HPSE2: variants seen among roughly 807,000 people sequenced by gnomAD.
HPSE2 encodes the protein heparanase 2 (inactive).
In HPSE2, 38 loss-of-function variants were observed where a neutral mutation model predicts 60.5. That is an observed-to-expected ratio of 0.63 (90% CI 0.48 to 0.82). The LOEUF (loss-of-function observed/expected upper bound fraction) is 0.82, where lower values mean the gene tolerates loss of function less well. HPSE2 is among the 40% of genes least tolerant of loss of function. The pLI, the probability that HPSE2 is intolerant of heterozygous loss-of-function variation, is 0.00. For missense variants in HPSE2, 713 were observed against 740.4 expected (o/e 0.96, Z 0.43); for synonymous variants, 295 against 293.2 (o/e 1.01, Z -0.06).
chr10:99,018,960 T>A (rs544939882), intron 3 of HPSE2, among the ~76,000 whole-genome samples: 1 of 152,310 alleles, frequency 6.6e-6, no homozygotes, highest in South Asian at 2.1e-4. Flanking sequence ...TCCATTAGTA[T>A]CAAAACTAGG....
chr10:99,082,276 G>A (rs758977997), intron 3 of HPSE2, among the ~76,000 whole-genome samples: 12 of 152,188 alleles, frequency 7.9e-5, no homozygotes, highest in Non-Finnish European at 1.8e-4. Flanking sequence ...CTAGAAAGTT[G>A]AAGCACTTGC....
intron 3 of HPSE2, among the ~76,000 whole-genome samples, chr10:98,830,979 T>C (rs1951670491): frequency 6.6e-6 from 1 of 152,358 alleles, no homozygotes; most frequent in South Asian, 2.1e-4. Context: ...AAGTAATTGC[T>C]GCAGTAATGA....
intron 9 of HPSE2, among the ~76,000 whole-genome samples, chr10:98,511,596 G>T (rs1009515166): frequency 2.8e-5 from 4 of 141,906 alleles, no homozygotes; most frequent in Non-Finnish European, 4.6e-5. Context: ...GTGTGTGTGT[G>T]TTTGTGTGTG....
chr10:99,105,133 G>A (rs1012659741), intron 3 of HPSE2, among the ~76,000 whole-genome samples: 1 of 151,118 alleles, frequency 6.6e-6, no homozygotes, highest in African/African-American at 2.4e-5. Context: ...GGGGTATCCA[G>A]CCTGTCTATT....
intron 3 of HPSE2, among the ~76,000 whole-genome samples, chr10:98,790,616 C>T (rs1950634073): frequency 6.6e-6 from 1 of 152,004 alleles, no homozygotes; most frequent in South Asian, 2.1e-4. Context: ...ATTTCAAAAT[C>T]GCTAAAAGAA....
chr10:98,721,713 G>A lies in HPSE2; in HGVS notation c.900C>T (p.Ser300=). The part of the protein sequence containing the change: ...LQPIRIYSRA[S]LYGPNIGRPR... ...GCCGCCCAATATTAGGGCCATATAA[G>A]CTGGCTCTGGAATAAATCCGGATGG... Residue 300 remains serine (S), a synonymous_variant, in exon 5 of 12, where the codon AGC becomes AGT. Coordinates refer to ENST00000370552, the MANE Select transcript of HPSE2 (RefSeq NM_021828.5). 1.9e-6 allele frequency: 3 copies of A among 1,613,724 alleles called. No individual in the cohort carries two copies. Among genetic ancestry groups the A allele is most frequent in the South Asian group, 1.1e-5 (1 of 91,058 alleles).
intron 3 of HPSE2, among the ~76,000 whole-genome samples, chr10:99,073,537 T>C (rs1312081627): frequency 6.6e-6 from 1 of 152,082 alleles, no homozygotes; most frequent in Non-Finnish European, 1.5e-5. Flanking sequence ...GCTTAATACA[T>C]AGGTGATGGG....
At chr10:99,155,009 A>C (rs1161956275) in intron 2 of HPSE2, among the ~76,000 whole-genome samples, 2,332 of 150,734 alleles carry the variant, frequency 0.015, 64 homozygotes, top group African/African-American at 0.054. Context: ...ACAAAGAAGG[A>C]CATTACATAA....
intron 3 of HPSE2, among the ~76,000 whole-genome samples, chr10:98,763,878 G>T (rs1355124137): frequency 6.6e-6 from 1 of 151,934 alleles, no homozygotes; most frequent in Non-Finnish European, 1.5e-5. Flanking sequence ...ATGCCAAAGG[G>T]AAATGAACAA....
intron 11 of HPSE2, chr10:98,461,752 T>C: frequency 6.4e-7 from 1 of 1,568,722 alleles, no homozygotes; most frequent in Non-Finnish European, 8.7e-7. Context: ...GTGCAAACCT[T>C]TCTTCTGAAG....
At chr10:99,060,127 T>C (rs986474542) in intron 3 of HPSE2, among the ~76,000 whole-genome samples, 2 of 151,866 alleles carry the variant, frequency 1.3e-5, no homozygotes, top group Non-Finnish European at 1.5e-5. Flanking sequence ...ATTTAAAATA[T>C]AGTAAAATAT....
At chr10:99,152,923 G>C (rs1254941204) in intron 2 of HPSE2, among the ~76,000 whole-genome samples, 2 of 152,354 alleles carry the variant, frequency 1.3e-5, no homozygotes, top group African/African-American at 4.8e-5. Context: ...GCAGGGCGAG[G>C]CATTGCCTCA....
intron 3 of HPSE2, among the ~76,000 whole-genome samples, chr10:98,861,676 T>C (rs141937265): frequency 1.2e-4 from 18 of 152,282 alleles, no homozygotes; most frequent in African/African-American, 2.9e-4. Flanking sequence ...TAAATTTTGA[T>C]AGATATGAGG....
chr10:98,517,187 T>G (rs990896981), intron 9 of HPSE2, among the ~76,000 whole-genome samples: 2 of 122,992 alleles, frequency 1.6e-5, no homozygotes, highest in Non-Finnish European at 3.6e-5. Context: ...CAATTCTCTG[T>G]TGGGTGTGGG....
intron 9 of HPSE2, among the ~76,000 whole-genome samples, chr10:98,568,472 G>T (rs1459954384): frequency 6.6e-6 from 1 of 152,158 alleles, no homozygotes; most frequent in East Asian, 1.9e-4. Flanking sequence ...TAGGAGGGAT[G>T]GGTAGACAAA....
At chr10:99,054,258 A>G (rs1232979200) in intron 3 of HPSE2, among the ~76,000 whole-genome samples, 1 of 152,206 alleles carries the variant, frequency 6.6e-6, no homozygotes, top group East Asian at 1.9e-4. Flanking sequence ...CAGATATTAC[A>G]GAGTTGAGAA....
chr10:98,900,281 A>G (rs377119045), intron 3 of HPSE2, among the ~76,000 whole-genome samples: 1 of 152,218 alleles, frequency 6.6e-6, no homozygotes. Flanking sequence ...ATGGATGAAT[A>G]TTAATATAAT....
At chr10:99,120,826 C>T (rs927494203) in intron 3 of HPSE2, among the ~76,000 whole-genome samples, 2 of 152,044 alleles carry the variant, frequency 1.3e-5, no homozygotes, top group African/African-American at 4.8e-5. Context: ...GGCAAGGATG[C>T]AGAGAAAAAG....
chr10:99,152,252 A>G (rs773977087), intron 2 of HPSE2, among the ~76,000 whole-genome samples: 73 of 150,380 alleles, frequency 4.9e-4, no homozygotes, highest in Non-Finnish European at 9.9e-4. Flanking sequence ...CAGAGCTTGC[A>G]GTGAGCCAAG....
Sources: gnomAD v4.1 joint callset for allele counts (sites outside exome capture counted in the v4.1 genomes callset) on GRCh38, gnomAD v4.1.1 for gene constraint, MANE v1.5 for transcripts, NCBI Gene and HGNC (gene_info 2026-07-23, HGNC 2026-07-21) for gene names.